WNK1: variants seen among roughly 807,000 people sequenced by gnomAD.
The protein encoded by WNK1 is serine/threonine-protein kinase WNK1.
In WNK1, 38 loss-of-function variants were observed where a neutral mutation model predicts 222.8. The ratio of observed to expected loss-of-function variants is 0.17; its 90% confidence interval spans 0.13 to 0.22. The LOEUF is 0.22. Among genes scored for constraint, WNK1 ranks in the 10% least tolerant of loss-of-function variants. The probability of loss-of-function intolerance (pLI) is 1.00; values close to 1 mark genes in which losing one functional copy is unlikely to be tolerated. For synonymous variants in WNK1, 1,090 were observed against 1,092.9 expected, an observed-to-expected ratio of 1.00 and a Z score of 0.05; for missense variants, 2,348 against 2,918.4, an observed-to-expected ratio of 0.80 and a Z score of 4.50.
chr12:883,574 T>A lies in WNK1; in HGVS notation c.3663+6T>A, dbSNP rs1364130486. Reference sequence around the variant, plus strand: ...ATGGCTTTTCAGGTTCTCAGGTAGGTTCACCACTCCCATAGTGAAACTTTG... The same window carrying A: ...ATGGCTTTTCAGGTTCTCAGGTAGGATCACCACTCCCATAGTGAAACTTTG... On this transcript the variant is annotated splice_donor_region_variant and intron_variant, in intron 16 of 27. Transcript: ENST00000315939. 2 of 1,613,996 alleles carry A rather than the reference T, an allele frequency of 1.2e-6. No homozygotes were observed. The highest frequency in any genetic ancestry group is 2.2e-5 in the East Asian group (1 of 44,892).
chr12:884,902 T>G lies in WNK1; in HGVS notation c.4098T>G (p.Ile1366Met), dbSNP rs534565611. The G allele has an allele frequency of 6.2e-7, 1 of 1,614,056 alleles. No individual in the cohort carries two copies. The highest frequency in any genetic ancestry group is 1.3e-5 in the African/African-American group (1 of 75,002). ...VPATSSPPNDISTSVIQSEVT... is the reference protein window; with the variant it reads ...VPATSSPPNDMSTSVIQSEVT... Reference sequence around the variant, plus strand: ...CAACAAGCAGCCCTCCTAATGACATTTCCACATCAGTAATTCAGTCTGAGG... The same window carrying G: ...CAACAAGCAGCCCTCCTAATGACATGTCCACATCAGTAATTCAGTCTGAGG... The change falls in exon 19 of 28, where the codon ATT becomes ATG. Residue 1366 changes from isoleucine to methionine, a missense_variant. Ile to Met is a conservative substitution (Grantham distance 10). Coordinates refer to ENST00000315939, the MANE Select transcript of WNK1 (RefSeq NM_018979.4). The surrounding 1 kb of genome is among the most constrained non-coding windows in gnomAD (Gnocchi z 5.6).
intron 1 of WNK1, among the ~76,000 whole-genome samples, chr12:798,443 C>T (rs1256203129): frequency 2.6e-5 from 4 of 152,184 alleles, no homozygotes; most frequent in Admixed American, 6.5e-5. Context: ...CTGCCCGCCT[C>T]GGCCTCCCAA....
At chr12:875,617 T>C (rs1952537010) in intron 9 of WNK1, among the ~76,000 whole-genome samples, 1 of 152,082 alleles carries the variant, frequency 6.6e-6, no homozygotes. Flanking sequence ...AATAAAAACC[T>C]ATAAGAGAAA....
At chr12:833,998 A>G (rs1252877235) in intron 4 of WNK1, among the ~76,000 whole-genome samples, 1 of 152,240 alleles carries the variant, frequency 6.6e-6, no homozygotes, top group Non-Finnish European at 1.5e-5. Flanking sequence ...GGAGACAAGC[A>G]CTAAGGAGAG....
intron 20 of WNK1, 83 bp from the exon 21 acceptor site, chr12:889,057 C>A: frequency 9.9e-7 from 1 of 1,012,252 alleles, no homozygotes; most frequent in Non-Finnish European, 1.6e-6. Context: ...AAGCATAAAA[C>A]AGTGTGTCCT....
chr12:876,042 A>T lies in WNK1; in HGVS notation c.2224-2170A>T, dbSNP rs192372179. Among the ~76,000 whole-genome samples the T allele has an allele frequency of 6.6e-5, 10 of 152,322 alleles. No homozygotes were observed. In the East Asian group the frequency reaches 1.9e-3, roughly 29 times the overall value. On this transcript the variant is annotated intron_variant, in intron 9 of 27. Transcript: ENST00000315939. ...CTTTAGAATTGGCTACATGTGGTTT[A>T]TCTTAGTTTGCAGAAAATAAATTTC...
In WNK1 at chr12:759,550, T is replaced by C. The variant is rs561382797; in HGVS notation, c.759+5226T>C. Among the ~76,000 whole-genome samples the C allele has an allele frequency of 3.6e-3, 526 of 147,666 alleles. 18 individuals are homozygous for C. Among genetic ancestry groups the C allele is most frequent in the African/African-American group, 0.012 (503 of 41,204 alleles). ...TTCACCATGTTGGCCAGGCTGGTCT[T>C]GAACACCTGACCTCGTGATCTGCCC... On this transcript the variant is annotated intron_variant, in intron 1 of 27. Coordinates refer to ENST00000315939, the MANE Select transcript of WNK1 (RefSeq NM_018979.4).
chr12:883,640 A>G, intron 16 of WNK1, 72 bp downstream of exon 16: 1 of 1,608,026 alleles, frequency 6.2e-7, no homozygotes, highest in Non-Finnish European at 8.5e-7. Context: ...TTGCTATGCA[A>G]AATGTCCAGT....
intron 1 of WNK1, among the ~76,000 whole-genome samples, chr12:806,331 A>C (rs1376443070): frequency 6.6e-6 from 1 of 152,246 alleles, no homozygotes; most frequent in Admixed American, 6.5e-5. Context: ...TTGAGAAATA[A>C]GCTGGATCCA....
chr12:846,412 G>T (rs982638950), intron 4 of WNK1, among the ~76,000 whole-genome samples: 1 of 152,172 alleles, frequency 6.6e-6, no homozygotes, highest in East Asian at 1.9e-4. Flanking sequence ...ATGAAGGATA[G>T]TGCGTTTGAA....
intron 21 of WNK1, among the ~76,000 whole-genome samples, chr12:889,983 T>C (rs1314006493): frequency 6.6e-6 from 1 of 150,420 alleles, no homozygotes; most frequent in African/African-American, 2.5e-5. Flanking sequence ...ACAGGAGTCT[T>C]GCGCTGTTAC....
chr12:881,494 C>CCATG (rs1565573614), intron 12 of WNK1, 198 bp from the exon 13 acceptor site: 1 of 623,232 alleles, frequency 1.6e-6, no homozygotes. Context: ...GCAGTCTATA[C>CCATG]CAGAGACTAG....
At chr12:764,634 CAAAA>C (rs529312629) in intron 1 of WNK1, among the ~76,000 whole-genome samples, 2 of 50,158 alleles carry the variant, frequency 4.0e-5, no homozygotes, top group East Asian at 5.5e-4. Context: ...AACTCCGTCT[CAAAA>C]AAAAAAAAAA....
At chr12:856,825 A>G (rs1330231700) in intron 4 of WNK1, among the ~76,000 whole-genome samples, 1 of 152,264 alleles carries the variant, frequency 6.6e-6, no homozygotes, top group East Asian at 1.9e-4. Context: ...ACAAGGTTGA[A>G]CAAAAGATCT....
intron 26 of WNK1, among the ~76,000 whole-genome samples, chr12:904,031 T>G (rs1955495321): frequency 6.6e-6 from 1 of 152,230 alleles, no homozygotes; most frequent in South Asian, 2.1e-4. Flanking sequence ...GTGGTGGGGT[T>G]GCTAATGCAT....
At chr12:820,736 A>G (rs1947795149) in intron 2 of WNK1, among the ~76,000 whole-genome samples, 2 of 152,092 alleles carry the variant, frequency 1.3e-5, no homozygotes, top group East Asian at 1.9e-4. Flanking sequence ...TCTGGCTCCC[A>G]AAGTGCTGAG....
At chr12:838,691 C>T (rs1352303759) in intron 4 of WNK1, among the ~76,000 whole-genome samples, 1 of 152,152 alleles carries the variant, frequency 6.6e-6, no homozygotes, top group Admixed American at 6.5e-5. Context: ...GCTGGGATTA[C>T]AGGTGTGAGC....
chr12:764,634 CAAAAAAAAA>C (rs529312629), intron 1 of WNK1, among the ~76,000 whole-genome samples: 1 of 50,158 alleles, frequency 2.0e-5, no homozygotes, highest in Non-Finnish European at 3.6e-5. Context: ...AACTCCGTCT[CAAAAAAAAA>C]AAAAAAAAAA....
At chr12:857,637 C>G (rs888744023) in intron 5 of WNK1, among the ~76,000 whole-genome samples, 1 of 152,216 alleles carries the variant, frequency 6.6e-6, no homozygotes, top group Non-Finnish European at 1.5e-5. Context: ...TTAAAGTCAG[C>G]TCAGCTATTA....
Sources: allele counts gnomAD v4.1 joint callset (sites outside exome capture counted in the v4.1 genomes callset), GRCh38; gene constraint gnomAD v4.1.1; non-coding constraint Gnocchi (gnomAD v3.1); transcripts MANE v1.5; gene names NCBI Gene and HGNC (gene_info 2026-07-23, HGNC 2026-07-21).